TRIM29: variants seen among roughly 807,000 people sequenced by gnomAD.
TRIM29 encodes the protein tripartite motif containing 29.
A neutral mutation model predicts 57.3 loss-of-function variants in TRIM29; 52 were observed. The ratio of observed to expected loss-of-function variants is 0.91; its 90% CI spans 0.73 to 1.14. The LOEUF (loss-of-function observed/expected upper bound fraction) is 1.14, where lower values mean the gene tolerates loss of function less well. Among genes scored for constraint, TRIM29 ranks in the 50% most tolerant of loss-of-function variants. The pLI, the probability that TRIM29 is intolerant of heterozygous loss-of-function variation, is 0.00. For missense variants in TRIM29, 753 were observed against 774.6 expected, an observed-to-expected ratio of 0.97 and a Z score of 0.33; for synonymous variants, 319 against 316.9, an observed-to-expected ratio of 1.01 and a Z score of -0.07.
In TRIM29 at chr11:120,137,770, C is replaced by G. The variant is rs377425574; in HGVS notation, c.262G>C (p.Asp88His). 30 of 1,612,000 alleles carry G rather than the reference C, an allele frequency of 1.9e-5. No individual in the cohort carries two copies. Among genetic ancestry groups the G allele is most frequent in the Non-Finnish European group, 2.5e-5 (29 of 1,180,014 alleles). Residue 88 changes from aspartate (D) to histidine (H), a missense_variant, in exon 1 of 9, where the codon GAC becomes CAC. Physicochemically the swap from Asp to His is moderately conservative, Grantham distance 81. Coordinates refer to ENST00000341846, the MANE Select transcript of TRIM29 (RefSeq NM_012101.4). The surrounding 1 kb of genome is among the most constrained non-coding windows in gnomAD (Gnocchi z 6.2). Reference sequence around the variant, plus strand: ...ATGCTGAAGTAGTTGGAGTTCTTGTCGTCCCCGGACTCGACAAACTGGATG... The same window carrying G: ...ATGCTGAAGTAGTTGGAGTTCTTGTGGTCCCCGGACTCGACAAACTGGATG... ...PIIQFVESGD[D>H]KNSNYFSMDS...
chr11:120,123,366 T>C, intron 4 of TRIM29: 1 of 550,344 alleles, frequency 1.8e-6, no homozygotes, highest in Admixed American at 2.2e-5. Flanking sequence ...CATTTCTTAT[T>C]TGATCCATAC....
intron 1 of TRIM29, among the ~76,000 whole-genome samples, chr11:120,133,293 A>G (rs1422764947): frequency 6.6e-6 from 1 of 152,220 alleles, no homozygotes; most frequent in Non-Finnish European, 1.5e-5. Context: ...AAAAGGCTTA[A>G]AATAGCGGAG....
At chr11:120,121,733 C>A (rs1268154345) in intron 5 of TRIM29, 2 of 247,344 alleles carry the variant, frequency 8.1e-6, no homozygotes, top group African/African-American at 2.2e-5. Context: ...CCACCCCCTC[C>A]CACAACCTGC....
In TRIM29 at chr11:120,137,494, T is replaced by C; in HGVS notation, c.538A>G (p.Lys180Glu). ...AGGCAGGACTTGACCGCCTTCTGCT[T>C]GTTGCCGATGCAGGAGTCGCACAGC... ...EVLCDSCIGN[K>E]QKAVKSCLVC... The change falls in exon 1 of 9, where the codon AAG (lysine) becomes GAG (glutamate). Residue 180 changes from lysine to glutamate, a missense_variant. Transcript: ENST00000341846. The surrounding 1 kb of genome is among the most constrained non-coding windows in gnomAD (Gnocchi z 6.2). The C allele has an allele frequency of 6.2e-7, 1 of 1,602,424 alleles. No homozygotes were observed. The highest frequency in any genetic ancestry group is 8.5e-7 in the Non-Finnish European group (1 of 1,179,842).
intron 7 of TRIM29, 122 bp from the exon 8 acceptor site, chr11:120,115,536 A>G (rs1863245704): frequency 9.4e-6 from 8 of 846,686 alleles, no homozygotes; most frequent in Admixed American, 2.8e-5. Flanking sequence ...CCATTACCAA[A>G]TGCAGCCGTC....
rs377338992 is a variant in TRIM29 at position 120,138,069 on chromosome 11, G to A, written c.-38C>T. On this transcript the variant is annotated 5_prime_UTR_variant, in exon 1 of 9. Transcript: ENST00000341846. Reference sequence around the variant, plus strand: ...GGCTGAGCTGTTTCAGGCTTGCTGGGGTTCAGGATAGGTGACCTTTCTGGC... The same window carrying A: ...GGCTGAGCTGTTTCAGGCTTGCTGGAGTTCAGGATAGGTGACCTTTCTGGC... The A allele has an allele frequency of 1.9e-6, 3 of 1,540,680 alleles. No homozygotes were observed. The highest frequency in any genetic ancestry group is 1.4e-5 in the African/African-American group (1 of 73,390).
chr11:120,129,497 C>T (rs1863673953), intron 1 of TRIM29, among the ~76,000 whole-genome samples: 1 of 152,306 alleles, frequency 6.6e-6, no homozygotes, highest in South Asian at 2.1e-4. Flanking sequence ...AATGCAGAGT[C>T]CCACCCCTTT....
chr11:120,112,477 CTG>C lies in TRIM29; in HGVS notation c.1705-3_1705-2del, dbSNP rs1863158410. On this transcript the variant is annotated splice_acceptor_variant and splice_polypyrimidine_tract_variant and intron_variant, in intron 8 of 8. Transcript: ENST00000341846. LOFTEE classifies it high-confidence loss of function. Reference sequence around the variant, plus strand: ...TGACGTAGAATGGCCGGTAGTGAGACTGTGGGGGAAACAAGAGTGGTCAGCGA... The same window carrying C: ...TGACGTAGAATGGCCGGTAGTGAGACTGGGGGAAACAAGAGTGGTCAGCGA... 1 of 1,613,634 alleles carries C rather than the reference CTG, an allele frequency of 6.2e-7. No homozygotes were observed.
chr11:120,117,026 G>GGT, intron 7 of TRIM29: 1 of 448,378 alleles, frequency 2.2e-6, no homozygotes, highest in Non-Finnish European at 4.5e-6. Flanking sequence ...CCTGTCCCAA[G>GGT]GTGGTGAACT....
chr11:120,119,192 G>A lies in TRIM29; in HGVS notation c.1529-871C>T, dbSNP rs191969672. Among the ~76,000 whole-genome samples, 93 of 152,334 alleles carry A rather than the reference G, an allele frequency of 6.1e-4. 1 individual carries two copies. The East Asian group carries it at 0.015, about 25-fold the overall frequency. On this transcript the variant is annotated intron_variant, in intron 6 of 8. Transcript: ENST00000341846. ...GAAGAAGGCAGTGGGAAAGGGGTGG[G>A]AGAAGCTGCCAGGGCACTCAGAGGG... is the stretch of plus-strand genomic sequence containing the variant.
intron 1 of TRIM29, among the ~76,000 whole-genome samples, chr11:120,129,302 A>G (rs543418608): frequency 3.3e-5 from 5 of 152,286 alleles, no homozygotes; most frequent in African/African-American, 1.2e-4. Context: ...CAATAGAGAC[A>G]AAAGGAGAGG....
intron 1 of TRIM29, 51 bp from the exon 2 acceptor site, chr11:120,128,546 G>GAA: frequency 1.9e-6 from 3 of 1,571,858 alleles, no homozygotes; most frequent in Admixed American, 3.5e-5. Context: ...AGATGGAAGA[G>GAA]AACCAGAGAA....
At position 120,123,033 on chromosome 11, in the gene TRIM29, G is replaced by A. The variant is rs940646306; in HGVS notation, c.1356C>T (p.Asn452=). 6.2e-7 allele frequency: 1 copy of A among 1,614,102 alleles called. No homozygotes were observed. The highest frequency in any genetic ancestry group is 1.1e-5 in the South Asian group (1 of 91,072). ...CACCCCCGAAGCTGTTCGTGTAGTT[G>A]TTCACATAGCGATGGTCACCACCTA... ...MENGGDHRYV[N]NYTNSFGGEW... Residue 452 remains asparagine (N), a synonymous_variant, in exon 5 of 9, where the codon AAC becomes AAT. Coordinates refer to ENST00000341846, the MANE Select transcript of TRIM29 (RefSeq NM_012101.4).
chr11:120,130,454 AG>A (rs1863695785), intron 1 of TRIM29, among the ~76,000 whole-genome samples: 1 of 152,222 alleles, frequency 6.6e-6, no homozygotes, highest in Non-Finnish European at 1.5e-5. Context: ...CGCTGGTAAA[AG>A]TCCTGTCTCA....
intron 5 of TRIM29, 21 bp downstream of exon 5, chr11:120,122,933 G>C: frequency 6.2e-7 from 1 of 1,608,526 alleles, no homozygotes; most frequent in Non-Finnish European, 8.5e-7. Context: ...ACTAGGTCTG[G>C]GGTGAGGGGC....
intron 1 of TRIM29, among the ~76,000 whole-genome samples, chr11:120,133,980 G>C (rs1251207149): frequency 5.3e-5 from 8 of 152,108 alleles, no homozygotes; most frequent in Non-Finnish European, 1.2e-4. Context: ...CGTCCACCCA[G>C]GAGGTCTTAA....
At chr11:120,132,542 C>T (rs987163736) in intron 1 of TRIM29, among the ~76,000 whole-genome samples, 1 of 152,138 alleles carries the variant, frequency 6.6e-6, no homozygotes, top group Non-Finnish European at 1.5e-5. Context: ...GAGGTTTTCC[C>T]GAGAGCAGAT....
chr11:120,133,729 C>A (rs1863762515), intron 1 of TRIM29, among the ~76,000 whole-genome samples: 1 of 152,246 alleles, frequency 6.6e-6, no homozygotes. Flanking sequence ...TGCCCATGCC[C>A]AGCAGCCAGT....
intron 1 of TRIM29, among the ~76,000 whole-genome samples, chr11:120,133,060 T>C (rs1482057632): frequency 6.6e-6 from 1 of 152,196 alleles, no homozygotes; most frequent in Non-Finnish European, 1.5e-5. Flanking sequence ...GAACCTCCCC[T>C]TCCTGGGCCT....
Sources: gnomAD v4.1 joint callset for allele counts (sites outside exome capture counted in the v4.1 genomes callset) on GRCh38, gnomAD v4.1.1 for gene constraint, Gnocchi (gnomAD v3.1) non-coding constraint, MANE v1.5 for transcripts, NCBI Gene and HGNC (gene_info 2026-07-23, HGNC 2026-07-21) for gene names.